Variants in NDUFA10 observed in about 807,000 individuals in gnomAD.
The protein encoded by NDUFA10 is NADH:ubiquinone oxidoreductase subunit A10.
In NDUFA10, 40 loss-of-function variants were observed where a neutral mutation model predicts 47.8. That is an observed-to-expected ratio of 0.84 (90% confidence interval 0.65 to 1.09). The LOEUF (loss-of-function observed/expected upper bound fraction) is 1.09. NDUFA10 is among the 50% of genes least tolerant of loss of function. The pLI, the probability that NDUFA10 is intolerant of heterozygous loss-of-function variation, is 0.00. For synonymous variants in NDUFA10, 183 were observed against 172.2 expected, an observed-to-expected ratio of 1.06 and a Z score of -0.49; for missense variants, 413 against 451.1, an observed-to-expected ratio of 0.92 and a Z score of 0.76.
chr2:239,982,192 C>T (rs771006529), intron 9 of NDUFA10: 146 of 1,612,776 alleles, frequency 9.1e-5, no homozygotes, highest in Non-Finnish European at 1.2e-4. Context: ...GTACTCTGCA[C>T]AGCCCGCTGC....
chr2:239,966,781 T>A (rs1429795808), intron 9 of NDUFA10, among the ~76,000 whole-genome samples: 1 of 151,050 alleles, frequency 6.6e-6, no homozygotes, highest in East Asian at 2.0e-4. Context: ...GGAGGGGCCC[T>A]GGGCGGCTGG....
intron 4 of NDUFA10, among the ~76,000 whole-genome samples, chr2:239,898,937 ACGGAGGGGTG>A (rs1415752025): frequency 0.018 from 2,514 of 141,598 alleles, 58 homozygotes; most frequent in Non-Finnish European, 0.024. Context: ...GAGGGGTGTG[ACGGAGGGGTG>A]TGGAGGGGTG....
At chr2:239,915,491 A>T (rs1305279063) in intron 4 of NDUFA10, among the ~76,000 whole-genome samples, 16 of 149,960 alleles carry the variant, frequency 1.1e-4, no homozygotes, top group African/African-American at 3.8e-4. Flanking sequence ...GAACACACAC[A>T]CAGACACACA....
At chr2:239,918,070 C>T (rs533764860) in intron 4 of NDUFA10, among the ~76,000 whole-genome samples, 1 of 152,312 alleles carries the variant, frequency 6.6e-6, no homozygotes, top group South Asian at 2.1e-4. Flanking sequence ...TGCTCCTGGT[C>T]CTCAGGGGAA....
At chr2:239,944,995 C>G (rs528423970) in intron 4 of NDUFA10, among the ~76,000 whole-genome samples, 1 of 144,516 alleles carries the variant, frequency 6.9e-6, no homozygotes, top group Non-Finnish European at 1.5e-5. Flanking sequence ...GGGTGACTTC[C>G]CAGGGGGCCT....
chr2:240,017,804 A>T, intron 4 of NDUFA10: 1 of 1,552,852 alleles, frequency 6.4e-7, no homozygotes, highest in Non-Finnish European at 8.7e-7. Context: ...CCTCCTCCAC[A>T]GAATGGTCAC....
rs1349934180 is a variant in NDUFA10, at chr2:240,018,576, T to A, written c.524A>T (p.Asn175Ile). Residue 175 changes from asparagine (N) to isoleucine (I), a missense_variant, in exon 4 of 10, where the codon AAC becomes ATC. By Grantham distance (149) the Asn-to-Ile change is moderately radical. Transcript: ENST00000252711. ...SDFVFLEAMYNQGFIRKQCVD... is the reference protein window; with the variant it reads ...SDFVFLEAMYIQGFIRKQCVD... ...ACACTGCTTTCGGATGAATCCCTGG[T>A]TGTACATCGCCTCCAGGAACACAAA... is the stretch of plus-strand genomic sequence containing the variant. The A allele has an allele frequency of 6.2e-7, 1 of 1,614,184 alleles. No individual in the cohort carries two copies.
intron 4 of NDUFA10, among the ~76,000 whole-genome samples, chr2:239,904,184 T>C (rs1693603726): frequency 6.6e-6 from 1 of 152,132 alleles, no homozygotes; most frequent in African/African-American, 2.4e-5. Flanking sequence ...GCCAGAACCT[T>C]CCAGTGTGCC....
intron 8 of NDUFA10, among the ~76,000 whole-genome samples, chr2:239,994,968 T>G (rs1391382880): frequency 1.3e-5 from 2 of 152,152 alleles, no homozygotes; most frequent in Non-Finnish European, 2.9e-5. Flanking sequence ...ATTGAGTGAT[T>G]TTATAGCTTA....
Position 239,936,801 on chromosome 2 carries a change from A to C in NDUFA10, c.295-41487T>G, listed in dbSNP as rs188212289. Among the ~76,000 whole-genome samples the C allele has an allele frequency of 4.9e-3, 747 of 152,276 alleles. 3 individuals are homozygous for C. The highest frequency in any genetic ancestry group is 0.025 in the South Asian group (122 of 4,820). On this transcript the variant is annotated intron_variant, in intron 4 of 5. Coordinates refer to the NDUFA10 transcript ENST00000419408. ...AACCCTGTCTCTACTAATAATAAAA[A>C]AATTAGCCAGGCACCGGGTGTTGCG...
rs1021142147 is a variant in NDUFA10, at chr2:239,932,192, C to A, written c.295-36878G>T. 7.2e-5 allele frequency among the ~76,000 whole-genome samples: 11 copies of A among 152,226 alleles called. No individual in the cohort carries two copies. In the South Asian group the frequency reaches 1.9e-3, roughly 26 times the overall value. On this transcript the variant is annotated intron_variant, in intron 4 of 5. Transcript: ENST00000419408. ...TTTTTCATGTTTATTGAATAGACAT[C>A]TTTATATTTTGCGAAAAAATGGGAA...
rs886055811 is a variant in NDUFA10, at chr2:239,957,913, C to T, written c.*3205G>A. On this transcript the variant is annotated 3_prime_UTR_variant, in exon 10 of 10. Coordinates refer to ENST00000252711, the MANE Select transcript of NDUFA10 (RefSeq NM_004544.4). ...GAAGCTCGCTGCTTCGAGTCACACA[C>T]GTGTTGCTGTTATAAGGTCCTTTGC... is the stretch of plus-strand genomic sequence containing the variant. 5.9e-5 allele frequency: 9 copies of T among 152,226 alleles called. No individual in the cohort carries two copies. Among genetic ancestry groups the T allele is most frequent in the Non-Finnish European group, 1.0e-4 (7 of 68,056 alleles). 9.4% of individuals were successfully genotyped at this position (152,226 alleles called of 1,614,324 possible). A position where few individuals can be genotyped will look rare whatever the true frequency, so the allele number is the denominator to read the frequency against.
intron 4 of NDUFA10, among the ~76,000 whole-genome samples, chr2:239,914,641 CACAT>C (rs200356450): frequency 9.5e-5 from 10 of 105,492 alleles, no homozygotes; most frequent in Admixed American, 3.7e-4. Context: ...ACAGAACACA[CACAT>C]ACATACACAG....
chr2:239,916,662 C>A (rs1239084156), intron 4 of NDUFA10, among the ~76,000 whole-genome samples: 1 of 152,260 alleles, frequency 6.6e-6, no homozygotes, highest in African/African-American at 2.4e-5. Context: ...AGGGTCCAGG[C>A]ACCAGCAGGT....
In NDUFA10 at chr2:239,957,749, A is replaced by G. The variant is rs1159416442; in HGVS notation, c.*3369T>C. On this transcript the variant is annotated 3_prime_UTR_variant, in exon 10 of 10. Coordinates refer to ENST00000252711, the MANE Select transcript of NDUFA10 (RefSeq NM_004544.4). ...GAACAGCACCACTCTTTTGGGGACA[A>G]GTCCATCACTGGAGCTCCCCGGCCT... The G allele has an allele frequency of 6.6e-6, 1 of 152,198 alleles. No individual in the cohort carries two copies. The highest frequency in any genetic ancestry group is 2.4e-5 in the African/African-American group (1 of 41,440). 9.4% of individuals were successfully genotyped at this position (152,198 alleles called of 1,614,324 possible). A position where few individuals can be genotyped will look rare whatever the true frequency, so the allele number is the denominator to read the frequency against.
intron 4 of NDUFA10, among the ~76,000 whole-genome samples, chr2:239,937,132 G>A (rs1476691429): frequency 6.6e-6 from 1 of 152,190 alleles, no homozygotes; most frequent in Non-Finnish European, 1.5e-5. Context: ...TCACCGCACA[G>A]CTGTGATTGC....
chr2:239,959,422 T>C lies in NDUFA10; in HGVS notation c.*1696A>G. ...CTAAGATAATTAAAGATGGCTTTCTTTTTCTTTCCTCCCCTCCACAATGGG... is the reference window on the plus strand; with the variant it reads ...CTAAGATAATTAAAGATGGCTTTCTCTTTCTTTCCTCCCCTCCACAATGGG... On this transcript the variant is annotated 3_prime_UTR_variant, in exon 10 of 10. Coordinates refer to ENST00000252711, the MANE Select transcript of NDUFA10 (RefSeq NM_004544.4). 1.0e-6 allele frequency: 1 copy of C among 985,460 alleles called. No homozygotes were observed. The highest frequency in any genetic ancestry group is 1.2e-6 in the Non-Finnish European group (1 of 829,940). The allele number at this position is 985,460 out of a possible 1,614,324, so 61.0% of individuals were successfully genotyped here.
At chr2:240,024,582 A>G (rs1426381911) in intron 1 of NDUFA10, among the ~76,000 whole-genome samples, 2 of 152,176 alleles carry the variant, frequency 1.3e-5, no homozygotes, top group Non-Finnish European at 1.5e-5. Context: ...ACCTTATAGC[A>G]CAAAGAAAAA....
intron 4 of NDUFA10, among the ~76,000 whole-genome samples, chr2:239,944,490 C>A (rs1178358058): frequency 5.3e-5 from 8 of 152,182 alleles, no homozygotes; most frequent in Non-Finnish European, 1.5e-5. Flanking sequence ...GAGCTCATGG[C>A]GGGAAATGAT....
Sources: allele counts gnomAD v4.1 joint callset (sites outside exome capture counted in the v4.1 genomes callset), GRCh38; gene constraint gnomAD v4.1.1; transcripts MANE v1.5; gene names NCBI Gene and HGNC (gene_info 2026-07-23, HGNC 2026-07-21).